The following PELI1 variants were observed in gnomAD, a reference collection of about 807,000 sequenced individuals.
PELI1 encodes E3 ubiquitin-protein ligase pellino homolog 1.
In PELI1, 15 loss-of-function variants were observed where a neutral mutation model predicts 41.3. The observed-to-expected ratio is 0.36, with a 90% CI of 0.24 to 0.56. PELI1 has a LOEUF of 0.56. Among genes scored for constraint, PELI1 ranks in the 20% least tolerant of loss-of-function variants. The pLI, the probability that PELI1 is intolerant of heterozygous loss-of-function variation, is 0.82. For synonymous variants in PELI1, 178 were observed against 180.1 expected, an observed-to-expected ratio of 0.99 and a Z score of 0.09; for missense variants, 403 against 525.5, an observed-to-expected ratio of 0.77 and a Z score of 2.28.
intron 1 of PELI1, among the ~76,000 whole-genome samples, chr2:64,129,716 CCCT>C (rs900305191): frequency 2.6e-5 from 4 of 152,110 alleles, no homozygotes; most frequent in African/African-American, 9.7e-5. Context: ...TTTAAACAAA[CCCT>C]CCTATTATTT....
At chr2:64,109,918 C>T (rs973402681) in intron 1 of PELI1, among the ~76,000 whole-genome samples, 1 of 152,034 alleles carries the variant, frequency 6.6e-6, no homozygotes, top group African/African-American at 2.4e-5. Flanking sequence ...ACTGGACACA[C>T]ATGTCAAAAA....
chr2:64,115,154 A>G (rs1680949797), intron 1 of PELI1, among the ~76,000 whole-genome samples: 1 of 152,148 alleles, frequency 6.6e-6, no homozygotes, highest in South Asian at 2.1e-4. Flanking sequence ...AAATATTTTA[A>G]TATTGTGGCT....
intron 1 of PELI1, among the ~76,000 whole-genome samples, chr2:64,129,440 C>T (rs7558544): frequency 0.23 from 35,217 of 152,094 alleles, 5,271 homozygotes; most frequent in East Asian, 0.74. Flanking sequence ...AACCCAGATA[C>T]TGTATTTGTT....
intron 1 of PELI1, among the ~76,000 whole-genome samples, chr2:64,116,742 T>A (rs957395685): frequency 6.6e-6 from 1 of 152,242 alleles, no homozygotes; most frequent in African/African-American, 2.4e-5. Flanking sequence ...CTGGTTTTAT[T>A]GCACTTTGCT....
intron 1 of PELI1, among the ~76,000 whole-genome samples, chr2:64,131,469 A>AT (rs1674355793): frequency 6.6e-6 from 1 of 152,058 alleles, no homozygotes; most frequent in South Asian, 2.1e-4. Context: ...ATTTTTTATT[A>AT]TATTTGTTTT....
chr2:64,107,714 G>C (rs1680666488), intron 2 of PELI1, among the ~76,000 whole-genome samples: 1 of 150,712 alleles, frequency 6.6e-6, no homozygotes, highest in Admixed American at 6.6e-5. Flanking sequence ...GTCTTACTCT[G>C]TTGCCCAGGC....
intron 3 of PELI1, among the ~76,000 whole-genome samples, chr2:64,103,101 T>C (rs1680501212): frequency 6.6e-6 from 1 of 152,020 alleles, no homozygotes; most frequent in African/African-American, 2.4e-5. Flanking sequence ...CCTTGGCCTC[T>C]CAAGTGCTGG....
intron 2 of PELI1, 29 bp from the exon 3 acceptor site, chr2:64,104,859 C>T: frequency 6.3e-7 from 1 of 1,598,672 alleles, no homozygotes; most frequent in Non-Finnish European, 8.5e-7. Flanking sequence ...TATAGGTGAT[C>T]TCTTGCAAGA....
intron 1 of PELI1, among the ~76,000 whole-genome samples, chr2:64,111,499 A>T (rs903403531): frequency 2.4e-4 from 36 of 152,188 alleles, no homozygotes; most frequent in African/African-American, 7.2e-4. Context: ...AAATACACTA[A>T]AAACACCTCT....
intron 3 of PELI1, among the ~76,000 whole-genome samples, chr2:64,102,419 T>C (rs1276779787): frequency 6.6e-6 from 1 of 152,124 alleles, no homozygotes; most frequent in African/African-American, 2.4e-5. Context: ...TGAAGTGCAG[T>C]GGCTATTTAC....
chr2:64,133,352 G>A (rs1681617957), intron 1 of PELI1, among the ~76,000 whole-genome samples: 1 of 152,114 alleles, frequency 6.6e-6, no homozygotes, highest in African/African-American at 2.4e-5. Context: ...AGAAGAGAGA[G>A]ACTTTCTATA....
At chr2:64,108,513 T>C in intron 1 of PELI1, 134 bp from the exon 2 acceptor site, 2 of 479,092 alleles carry the variant, frequency 4.2e-6, no homozygotes, top group South Asian at 7.1e-5. Flanking sequence ...ATGGGACATT[T>C]TGCCCAATAA....
At chr2:64,118,604 T>C (rs1013399741) in intron 1 of PELI1, among the ~76,000 whole-genome samples, 1 of 152,172 alleles carries the variant, frequency 6.6e-6, no homozygotes, top group African/African-American at 2.4e-5. Flanking sequence ...CCTAATCAAT[T>C]ATCAGACCTA....
intron 1 of PELI1, among the ~76,000 whole-genome samples, chr2:64,121,766 G>A (rs549330112): frequency 3.3e-5 from 5 of 152,118 alleles, no homozygotes; most frequent in East Asian, 1.9e-4. Flanking sequence ...TTAGCCAGGC[G>A]TGGTGGCACA....
At chr2:64,138,596 G>A (rs1435924585) in intron 1 of PELI1, among the ~76,000 whole-genome samples, 1 of 151,992 alleles carries the variant, frequency 6.6e-6, no homozygotes, top group Non-Finnish European at 1.5e-5. Flanking sequence ...GCGTGGTGGC[G>A]TGTGCCTGTA....
At chr2:64,105,151 T>C (rs1456908376) in intron 2 of PELI1, among the ~76,000 whole-genome samples, 1 of 152,232 alleles carries the variant, frequency 6.6e-6, no homozygotes, top group Non-Finnish European at 1.5e-5. Context: ...TGACTCCTTA[T>C]GACTCATTCT....
chr2:64,138,375 CATT>C (rs1404113506), intron 1 of PELI1, among the ~76,000 whole-genome samples: 17 of 152,326 alleles, frequency 1.1e-4, no homozygotes, highest in African/African-American at 4.1e-4. Flanking sequence ...TCCTTCAGGT[CATT>C]ACTCACTTTA....
In PELI1 at chr2:64,094,052, A is replaced by T. The variant is rs1680139332; in HGVS notation, c.*650T>A. ...ATCTTCAATGTTGTTAAAAACAAAC[A>T]CCTTTCACGCGGGTAATTAGTATGA... On this transcript the variant is annotated 3_prime_UTR_variant, in exon 7 of 7. Transcript: ENST00000358912. 1 of 152,662 alleles carries T rather than the reference A, an allele frequency of 6.6e-6. No individual in the cohort carries two copies. The highest frequency in any genetic ancestry group is 1.5e-5 in the Non-Finnish European group (1 of 68,044). The allele number at this position is 152,662 out of a possible 1,614,324, so 9.5% of individuals were successfully genotyped here.
intron 1 of PELI1, among the ~76,000 whole-genome samples, chr2:64,120,614 C>T (rs1681175026): frequency 6.6e-6 from 1 of 152,100 alleles, no homozygotes; most frequent in African/African-American, 2.4e-5. Flanking sequence ...TATTGATACC[C>T]ATAGTTCACA....
Sources: allele counts gnomAD v4.1 joint callset (sites outside exome capture counted in the v4.1 genomes callset), GRCh38; gene constraint gnomAD v4.1.1; transcripts MANE v1.5; gene names NCBI Gene and HGNC (gene_info 2026-07-23, HGNC 2026-07-21).